Variants in NLRP12 observed in about 807,000 individuals in gnomAD.
NLRP12 encodes NACHT, LRR and PYD domains-containing protein 12.
A neutral mutation model predicts 91.2 loss-of-function variants in NLRP12; 108 were observed. The observed-to-expected ratio is 1.18, with a 90% CI of 1.01 to 1.39. The LOEUF is 1.39. NLRP12 is among the 40% of genes most tolerant of loss of function. NLRP12 has a pLI of 0.00. For missense variants in NLRP12, 1,530 were observed against 1,352.7 expected (o/e 1.13, Z -2.06); for synonymous variants, 613 against 566.7 (o/e 1.08, Z -1.16).
rs767842026 is a variant in NLRP12 at position 53,798,329 on chromosome 19, G to A, written c.2841C>T (p.Asp947=). ...LQANHNLREL[D]LSFNDLGDWG... is the part of the protein sequence containing the mutation. ...AGTCTCCCAGGTCGTTGAAACTCAA[G>A]TCCAGCTCCCGGAGGTTGTGGTTGG... Residue 947 remains aspartate, a synonymous_variant, in exon 8 of 10, where the codon GAC becomes GAT. Coordinates refer to ENST00000324134, the MANE Select transcript of NLRP12 (RefSeq NM_144687.4). 69 of 1,614,036 alleles carry A rather than the reference G, an allele frequency of 4.3e-5. No individual in the cohort carries two copies. Among genetic ancestry groups the A allele is most frequent in the Non-Finnish European group, 5.6e-5 (66 of 1,180,024 alleles).
chr19:53,815,632 G>A (rs542730150), intron 1 of NLRP12, among the ~76,000 whole-genome samples: 5 of 151,850 alleles, frequency 3.3e-5, no homozygotes, highest in African/African-American at 1.2e-4. Context: ...TTTTCGAGAC[G>A]GAGTCTGGCT....
chr19:53,809,608 G>C lies in NLRP12; in HGVS notation c.2051C>G (p.Ala684Gly), dbSNP rs753678830. 3 of 1,611,878 alleles carry C rather than the reference G, an allele frequency of 1.9e-6. No individual in the cohort carries two copies. The Admixed American group carries it at 5.0e-5, about 27-fold the overall frequency. ...TTACAGCTGCACCAACAGCGTGTGC[G>C]CTCCTGCGGAGCACCTCGCGCGGTC... ...GEDRARCSAG[A>G]HTLLVQLPER... Residue 684 changes from alanine to glycine, a missense_variant, in exon 3 of 10, where the codon GCG becomes GGG. Transcript: ENST00000324134.
Position 53,807,528 on chromosome 19 carries a change from A to G in NLRP12, c.2210T>C (p.Leu737Pro). 1 of 1,614,110 alleles carries G rather than the reference A, an allele frequency of 6.2e-7. No homozygotes were observed. Among genetic ancestry groups the G allele is most frequent in the Non-Finnish European group, 8.5e-7 (1 of 1,180,008 alleles). Residue 737 changes from leucine (L) to proline (P), a missense_variant, in exon 4 of 10, where the codon CTC becomes CCC. Transcript: ENST00000324134. ...SRGVKLLCQGLRHPNCKLQNL... is the reference protein window; with the variant it reads ...SRGVKLLCQGPRHPNCKLQNL... ...CTGAAGTTTGCAGTTGGGGTGTCTGAGTCCTTGACAGAGCAGCTTCACCCC... is the reference window on the plus strand; with the variant it reads ...CTGAAGTTTGCAGTTGGGGTGTCTGGGTCCTTGACAGAGCAGCTTCACCCC...
intron 1 of NLRP12, among the ~76,000 whole-genome samples, chr19:53,816,874 T>C (rs1312275769): frequency 1.3e-5 from 2 of 151,078 alleles, no homozygotes; most frequent in Non-Finnish European, 2.9e-5. Flanking sequence ...AAGGTTATCA[T>C]TGAGAGGAAA....
chr19:53,821,576 G>A (rs1255315331), intron 1 of NLRP12, among the ~76,000 whole-genome samples: 2 of 152,078 alleles, frequency 1.3e-5, no homozygotes, highest in Non-Finnish European at 2.9e-5. Context: ...GCTGAGGCAG[G>A]AGAATGGCGT....
intron 6 of NLRP12, chr19:53,803,634 C>T (rs1011299617): frequency 3.7e-5 from 14 of 377,872 alleles, no homozygotes; most frequent in South Asian, 6.2e-5. Flanking sequence ...AGTGCAGTGA[C>T]GTGATCTCAG....
At position 53,814,988 on chromosome 19, in the gene NLRP12, T is replaced by G. The variant is rs1225447416; in HGVS notation, c.290A>C (p.Asp97Ala). 3 of 1,612,986 alleles carry G rather than the reference T, an allele frequency of 1.9e-6. No individual in the cohort carries two copies. In the East Asian group the frequency reaches 6.7e-5, roughly 36 times the overall value. The change falls in exon 2 of 10, where the codon GAT becomes GCT. Residue 97 changes from aspartate (D) to alanine (A), a missense_variant and splice_region_variant. Transcript: ENST00000324134. ...TGAGGACGGGCCACCAGGTGGGGTA[T>G]CTGGAAGAGAAATTGTGGAAGATGA... is the stretch of plus-strand genomic sequence containing the variant. ...ERGQREDLVR[D>A]TPPGGPSSLG... is the part of the protein sequence containing the mutation.
chr19:53,821,327 C>T (rs536374771), intron 1 of NLRP12, among the ~76,000 whole-genome samples: 1 of 151,938 alleles, frequency 6.6e-6, no homozygotes, highest in Non-Finnish European at 1.5e-5. Context: ...CGTGAGCCAC[C>T]GCACCCAGCT....
At chr19:53,821,224 G>A (rs1392062176) in intron 1 of NLRP12, among the ~76,000 whole-genome samples, 2 of 151,572 alleles carry the variant, frequency 1.3e-5, no homozygotes, top group East Asian at 4.0e-4. Flanking sequence ...TTTTAGTAGA[G>A]ACAGGGTTTC....
chr19:53,813,282 T>C (rs1411201785), intron 2 of NLRP12, among the ~76,000 whole-genome samples: 39 of 97,584 alleles, frequency 4.0e-4, no homozygotes, highest in African/African-American at 1.3e-3. Context: ...ACTGCTATTC[T>C]TTTTTTTTTT....
intron 2 of NLRP12, among the ~76,000 whole-genome samples, chr19:53,812,673 C>T (rs535536073): frequency 6.6e-6 from 1 of 152,076 alleles, no homozygotes; most frequent in Non-Finnish European, 1.5e-5. Flanking sequence ...ACAAATGCAT[C>T]CCTTGGTATT....
chr19:53,818,339 G>C (rs2092193702), intron 1 of NLRP12, among the ~76,000 whole-genome samples: 1 of 152,040 alleles, frequency 6.6e-6, no homozygotes, highest in Non-Finnish European at 1.5e-5. Context: ...CTCCCAAAGT[G>C]CTGGGATTAT....
chr19:53,805,035 A>G (rs546682059), intron 5 of NLRP12, among the ~76,000 whole-genome samples: 13 of 152,098 alleles, frequency 8.5e-5, no homozygotes, highest in Non-Finnish European at 1.3e-4. Context: ...GTCTCGGGAG[A>G]AAAAAAGAAG....
intron 2 of NLRP12, 28 bp from the exon 3 acceptor site, chr19:53,811,316 G>A (rs764156486): frequency 6.2e-7 from 1 of 1,613,100 alleles, no homozygotes; most frequent in Non-Finnish European, 8.5e-7. Context: ...AGGTTTTGTG[G>A]AAGACTCATC....
intron 5 of NLRP12, among the ~76,000 whole-genome samples, chr19:53,805,078 T>C (rs778501057): frequency 6.6e-6 from 1 of 152,030 alleles, no homozygotes; most frequent in African/African-American, 2.4e-5. Context: ...CTCTTCATCA[T>C]GTAGAATTGA....
intron 1 of NLRP12, among the ~76,000 whole-genome samples, chr19:53,823,092 C>CACATACATAT (rs2092282338): frequency 6.7e-6 from 1 of 149,576 alleles, no homozygotes; most frequent in Non-Finnish European, 1.5e-5. Flanking sequence ...AATATATATA[C>CACATACATAT]ACACACACAT....
Position 53,811,161 on chromosome 19 carries a change from G to C in NLRP12, c.498C>G (p.His166Gln). Residue 166 changes from histidine to glutamine, a missense_variant, in exon 3 of 10, where the codon CAC (histidine) becomes CAG (glutamine). Transcript: ENST00000324134. ...RYTRLLLVKE[H>Q]SNPMQVQQQL... ...GCTGCTGGACCTGCATGGGGTTTGAGTGCTCCTTCACCAGCAGGAGCCGGG... is the reference window on the plus strand; with the variant it reads ...GCTGCTGGACCTGCATGGGGTTTGACTGCTCCTTCACCAGCAGGAGCCGGG... The C allele has an allele frequency of 6.2e-7, 1 of 1,614,132 alleles. No homozygotes were observed. The highest frequency in any genetic ancestry group is 8.5e-7 in the Non-Finnish European group (1 of 1,180,028).
In NLRP12 at chr19:53,823,494, A is replaced by ATATAT. The variant is rs1568703208; in HGVS notation, c.289+391_289+392insATATA. Among the ~76,000 whole-genome samples the ATATAT allele has an allele frequency of 1.3e-3, 103 of 82,004 alleles. 1 individual carries two copies. The highest frequency in any genetic ancestry group is 2.7e-3 in the South Asian group (8 of 2,922). The allele number at this position is 82,004 out of a possible 152,430, so 53.8% of individuals were successfully genotyped here. On this transcript the variant is annotated intron_variant, in intron 1 of 9. Transcript: ENST00000324134. ...ATTTAAAATATATATTTTAAAATAT[A>ATATAT]TTTATTTAAAATATATATTTAAAAC...
At chr19:53,804,741 T>C (rs1268596994) in intron 5 of NLRP12, among the ~76,000 whole-genome samples, 2 of 151,100 alleles carry the variant, frequency 1.3e-5, no homozygotes, top group Non-Finnish European at 2.9e-5. Flanking sequence ...AAAAAAATTT[T>C]TGTAGGTCGA....
Sources: gnomAD v4.1 joint callset for allele counts (sites outside exome capture counted in the v4.1 genomes callset) on GRCh38, gnomAD v4.1.1 for gene constraint, MANE v1.5 for transcripts, NCBI Gene and HGNC (gene_info 2026-07-23, HGNC 2026-07-21) for gene names.